The following UBASH3A variants were observed in gnomAD, a reference collection of about 807,000 sequenced individuals.
UBASH3A encodes the protein ubiquitin-associated and SH3 domain-containing protein A.
A neutral mutation model predicts 73.5 loss-of-function variants in UBASH3A; 63 were observed. The observed-to-expected ratio is 0.86, with a 90% CI of 0.70 to 1.06. UBASH3A has a LOEUF of 1.06. Among genes scored for constraint, UBASH3A ranks in the 50% least tolerant of loss-of-function variants. The pLI, the probability that UBASH3A is intolerant of heterozygous loss-of-function variation, is 0.00. For missense variants in UBASH3A, 860 were observed against 859.0 expected (o/e 1.00, Z -0.02); for synonymous variants, 363 against 351.1 (o/e 1.03, Z -0.38).
chr21:42,430,626 A>T (rs2053511599), intron 8 of UBASH3A, among the ~76,000 whole-genome samples: 1 of 152,106 alleles, frequency 6.6e-6, no homozygotes, highest in African/African-American at 2.4e-5. Flanking sequence ...TGGTCCCCAG[A>T]AGGCCCCACA....
chr21:42,407,761 T>A (rs1446759043), intron 2 of UBASH3A, among the ~76,000 whole-genome samples: 1 of 152,200 alleles, frequency 6.6e-6, no homozygotes, highest in East Asian at 1.9e-4. Flanking sequence ...CTAAGCAGAT[T>A]CCCTGGAGAA....
chr21:42,431,780 G>A (rs1212282434), intron 8 of UBASH3A, among the ~76,000 whole-genome samples: 1 of 152,194 alleles, frequency 6.6e-6, no homozygotes, highest in Admixed American at 6.5e-5. Flanking sequence ...AATGTCCTAA[G>A]ACGTCTCTAT....
chr21:42,422,837 T>C (rs2053364114), intron 7 of UBASH3A, among the ~76,000 whole-genome samples: 1 of 152,224 alleles, frequency 6.6e-6, no homozygotes. Flanking sequence ...AATATGTATT[T>C]CTATACATGT....
At chr21:42,411,360 CAG>C (rs1441494641) in intron 3 of UBASH3A, among the ~76,000 whole-genome samples, 1 of 152,060 alleles carries the variant, frequency 6.6e-6, no homozygotes, top group Admixed American at 6.5e-5. Context: ...CAGACACACA[CAG>C]AGACACACAT....
chr21:42,433,411 A>G (rs1423911064), intron 9 of UBASH3A, among the ~76,000 whole-genome samples: 1 of 152,130 alleles, frequency 6.6e-6, no homozygotes, highest in Non-Finnish European at 1.5e-5. Context: ...CCAGGCACCC[A>G]CATCCTCACA....
At chr21:42,433,799 C>A (rs1381424262) in intron 9 of UBASH3A, among the ~76,000 whole-genome samples, 2 of 151,970 alleles carry the variant, frequency 1.3e-5, no homozygotes, top group Non-Finnish European at 2.9e-5. Context: ...TGAAAAATTG[C>A]CCCCCGCTGA....
chr21:42,434,363 C>T (rs959245279), intron 9 of UBASH3A, among the ~76,000 whole-genome samples: 2 of 152,138 alleles, frequency 1.3e-5, no homozygotes, highest in Non-Finnish European at 2.9e-5. Context: ...TCCAGCCTGG[C>T]TTCAAGCAAT....
chr21:42,438,947 T>A (rs2053678662), intron 11 of UBASH3A, among the ~76,000 whole-genome samples: 1 of 151,876 alleles, frequency 6.6e-6, no homozygotes, highest in South Asian at 2.1e-4. Flanking sequence ...TGGGGCCACA[T>A]CAGAGCCGGG....
chr21:42,418,348 T>G, intron 6 of UBASH3A, 53 bp from the exon 7 acceptor site: 1 of 1,554,340 alleles, frequency 6.4e-7, no homozygotes, highest in Non-Finnish European at 8.9e-7. Context: ...TTGCTGCCAT[T>G]TTCCAATGTA....
rs151195099 is a variant in UBASH3A at position 42,426,886 on chromosome 21, C to T, written c.1170+66C>T. ...AAAACTACACTTTGTATTAACTTCA[C>T]GGTGGACACAGCTTCGTAGGTGTAG... On this transcript the variant is annotated intron_variant, in intron 8 of 14. Coordinates refer to ENST00000319294, the MANE Select transcript of UBASH3A (RefSeq NM_018961.4). 3.5e-4 allele frequency: 541 copies of T among 1,563,642 alleles called. 2 individuals carry two copies. The African/African-American group carries it at 5.9e-3, about 17-fold the overall frequency.
intron 6 of UBASH3A, among the ~76,000 whole-genome samples, chr21:42,416,849 A>C (rs3746928): frequency 0.18 from 27,478 of 151,820 alleles, 3,242 homozygotes; most frequent in African/African-American, 0.33. Flanking sequence ...AGGAGAATGG[A>C]GTGAACCCGG....
intron 10 of UBASH3A, among the ~76,000 whole-genome samples, chr21:42,436,008 GTTATAGAGTTATAGAGTCATAAAA>G (rs2053621486): frequency 4.6e-5 from 7 of 151,888 alleles, no homozygotes; most frequent in Middle Eastern, 3.4e-3. Flanking sequence ...GAGTCATAGA[GTTATAGAGTTATAGAGTCATAAAA>G]TTATAGAGTT....
chr21:42,444,720 G>C, intron 14 of UBASH3A, 77 bp downstream of exon 14: 1 of 1,217,480 alleles, frequency 8.2e-7, no homozygotes, highest in Non-Finnish European at 1.2e-6. Context: ...TCCACTTCTC[G>C]GAATGAAAAC....
intron 11 of UBASH3A, among the ~76,000 whole-genome samples, chr21:42,438,787 C>A (rs1042240303): frequency 6.6e-6 from 1 of 151,814 alleles, no homozygotes; most frequent in South Asian, 2.1e-4. Flanking sequence ...TGCACCATGG[C>A]GGGGCTGCAG....
At chr21:42,434,742 G>A in intron 9 of UBASH3A, 90 bp from the exon 10 acceptor site, 6 of 1,387,742 alleles carry the variant, frequency 4.3e-6, no homozygotes, top group Non-Finnish European at 5.9e-6. Context: ...TAACATTGCT[G>A]TTAGAGTGGG....
chr21:42,410,329 C>T (rs2053064593), intron 3 of UBASH3A: 1 of 597,600 alleles, frequency 1.7e-6, no homozygotes, highest in Non-Finnish European at 3.0e-6. Context: ...ACTTCTGCTA[C>T]CGCGGCCTGG....
intron 1 of UBASH3A, among the ~76,000 whole-genome samples, chr21:42,404,845 G>A (rs1451093068): frequency 2.0e-5 from 3 of 152,176 alleles, no homozygotes; most frequent in Non-Finnish European, 2.9e-5. Flanking sequence ...GGAAAGGCCT[G>A]CATGTGGAAG....
chr21:42,414,699 G>A lies in UBASH3A; in HGVS notation c.667+1176G>A, dbSNP rs867601867. ...GTGATGTAGCCACAAGCCAAGGGAC[G>A]CCTGGGGCCACCGGAAACTGGAAGA... On this transcript the variant is annotated intron_variant, in intron 5 of 14. Coordinates refer to ENST00000319294, the MANE Select transcript of UBASH3A (RefSeq NM_018961.4). Among the ~76,000 whole-genome samples, 16 of 152,302 alleles carry A rather than the reference G, an allele frequency of 1.1e-4. 1 individual carries two copies. In the Middle Eastern group the frequency reaches 0.02, roughly 194 times the overall value.
intron 11 of UBASH3A, among the ~76,000 whole-genome samples, chr21:42,438,876 AG>A (rs1383898032): frequency 6.6e-6 from 1 of 152,054 alleles, no homozygotes; most frequent in Non-Finnish European, 1.5e-5. Flanking sequence ...GGAGGTGGGC[AG>A]GAATGGAGGG....
Sources: gnomAD v4.1 joint callset for allele counts (sites outside exome capture counted in the v4.1 genomes callset) on GRCh38, gnomAD v4.1.1 for gene constraint, MANE v1.5 for transcripts, NCBI Gene and HGNC (gene_info 2026-07-23, HGNC 2026-07-21) for gene names.